TPP2: variants seen among roughly 807,000 people sequenced by gnomAD.
The protein encoded by TPP2 is tripeptidyl-peptidase 2.
Under a neutral mutation model 155.9 loss-of-function variants are expected in TPP2, and 34 were observed. That is an observed-to-expected ratio of 0.22 (90% confidence interval 0.17 to 0.29). The LOEUF (loss-of-function observed/expected upper bound fraction) is 0.29, where lower values mean the gene tolerates loss of function less well. TPP2 is among the 10% of genes least tolerant of loss of function. The pLI is 1.00. For synonymous variants in TPP2, 510 were observed against 529.4 expected (o/e 0.96, Z 0.50); for missense variants, 1,028 against 1,522.3 (o/e 0.68, Z 5.40).
chr13:102,674,529 G>GTTACCTCA lies in TPP2; in HGVS notation c.3579+40_3579+47dup, dbSNP rs1473299578. On this transcript the variant is annotated intron_variant, in intron 28 of 29. Transcript: ENST00000376052. Reference sequence around the variant, plus strand: ...TTCTTGTTTCAGCAAAGTTCTTGGGGTTACCTCACAGACCTCTCTTGTGCC... The same window carrying GTTACCTCA: ...TTCTTGTTTCAGCAAAGTTCTTGGGGTTACCTCATTACCTCACAGACCTCTCTTGTGCC... 3.1e-6 allele frequency: 5 copies of GTTACCTCA among 1,605,132 alleles called. No individual in the cohort carries two copies. In the African/African-American group the frequency reaches 6.7e-5, roughly 22 times the overall value.
intron 21 of TPP2, 114 bp downstream of exon 21, chr13:102,647,458 T>A: frequency 1.5e-6 from 2 of 1,353,524 alleles, no homozygotes; most frequent in Non-Finnish European, 2.0e-6. Context: ...AAATTATAGC[T>A]TTGTGTTTAG....
intron 15 of TPP2, among the ~76,000 whole-genome samples, chr13:102,639,525 C>G (rs747865023): frequency 1.3e-4 from 20 of 152,156 alleles, no homozygotes; most frequent in Admixed American, 7.2e-4. Flanking sequence ...CAGGAAGCTT[C>G]CCAGGCTCCG....
At chr13:102,601,016 C>G (rs968558936) in intron 1 of TPP2, among the ~76,000 whole-genome samples, 69 of 152,080 alleles carry the variant, frequency 4.5e-4, no homozygotes, top group African/African-American at 1.6e-3. Flanking sequence ...TCAGCCACTG[C>G]AGTAGCTGGG....
At chr13:102,629,238 A>C (rs1881853919) in intron 8 of TPP2, among the ~76,000 whole-genome samples, 1 of 152,174 alleles carries the variant, frequency 6.6e-6, no homozygotes, top group South Asian at 2.1e-4. Flanking sequence ...ACTACCTTGT[A>C]GTATATTTTC....
In TPP2 at chr13:102,676,627, A is replaced by G. The variant is rs191512464; in HGVS notation, c.3699+212A>G. On this transcript the variant is annotated intron_variant, in intron 29 of 29. Coordinates refer to ENST00000376052, the MANE Select transcript of TPP2 (RefSeq NM_001330588.2). ...TAAAAACACTTTTCACTGCTATCCA[A>G]AAAACTGATACTAGCCTCAAATGTT... 3.4e-4 allele frequency among the ~76,000 whole-genome samples: 52 copies of G among 152,354 alleles called. 1 individual carries two copies. Among genetic ancestry groups the G allele is most frequent in the African/African-American group, 1.2e-3 (51 of 41,578 alleles).
At chr13:102,617,450 A>AT (rs1880829307) in intron 4 of TPP2, among the ~76,000 whole-genome samples, 1 of 152,140 alleles carries the variant, frequency 6.6e-6, no homozygotes, top group African/African-American at 2.4e-5. Context: ...GATAATTCTG[A>AT]TTTACTAAGT....
Position 102,630,354 on chromosome 13 carries a change from GATAA to G in TPP2, c.1244+165_1244+168del, listed in dbSNP as rs1881938773. On this transcript the variant is annotated intron_variant, in intron 10 of 29. Transcript: ENST00000376052. ...GATTAACAGTCTCATCTCAGGGACAGATAAATAAAATAAATGAAATAGTTTCATT... is the reference window on the plus strand; with the variant it reads ...GATTAACAGTCTCATCTCAGGGACAGATAAAATAAATGAAATAGTTTCATT... 2.0e-5 allele frequency among the ~76,000 whole-genome samples: 3 copies of G among 152,196 alleles called. No homozygotes were observed. The East Asian group carries it at 5.8e-4, about 29-fold the overall frequency.
chr13:102,612,546 A>G, intron 2 of TPP2, among the ~76,000 whole-genome samples: 1 of 152,230 alleles, frequency 6.6e-6, no homozygotes, highest in East Asian at 1.9e-4. Context: ...AGAATACTCA[A>G]ATATGCAAAA....
chr13:102,677,858 T>A (rs1049624258), intron 29 of TPP2, among the ~76,000 whole-genome samples: 2 of 152,246 alleles, frequency 1.3e-5, no homozygotes, highest in African/African-American at 4.8e-5. Flanking sequence ...TGTTCAGTGC[T>A]GTTTTCCCAG....
chr13:102,623,915 TA>T (rs1881355798), intron 6 of TPP2, among the ~76,000 whole-genome samples: 1 of 152,200 alleles, frequency 6.6e-6, no homozygotes, highest in Non-Finnish European at 1.5e-5. Context: ...ACATGACTTC[TA>T]ATACCTTATA....
chr13:102,645,454 T>A (rs1883039473), intron 19 of TPP2, among the ~76,000 whole-genome samples: 1 of 152,230 alleles, frequency 6.6e-6, no homozygotes, highest in Non-Finnish European at 1.5e-5. Context: ...TTGACCTGTG[T>A]TCACATACTC....
At chr13:102,655,840 T>A (rs1173931375) in intron 24 of TPP2, among the ~76,000 whole-genome samples, 5 of 152,088 alleles carry the variant, frequency 3.3e-5, no homozygotes, top group African/African-American at 1.2e-4. Flanking sequence ...GTTGATCATT[T>A]TCTCTTTCTT....
At chr13:102,608,209 C>G (rs1243237794) in intron 2 of TPP2, among the ~76,000 whole-genome samples, 1 of 152,176 alleles carries the variant, frequency 6.6e-6, no homozygotes, top group African/African-American at 2.4e-5. Context: ...CACTTCTCCC[C>G]TACTGTTTTC....
intron 6 of TPP2, among the ~76,000 whole-genome samples, 181 bp downstream of exon 6, chr13:102,623,221 C>G (rs117402540): frequency 4.2e-4 from 64 of 152,280 alleles, no homozygotes; most frequent in Admixed American, 6.5e-4. Flanking sequence ...AAGGTCATAA[C>G]CATGTGGGAT....
At chr13:102,654,263 C>G (rs1315512960) in intron 24 of TPP2, among the ~76,000 whole-genome samples, 2 of 151,838 alleles carry the variant, frequency 1.3e-5, no homozygotes, top group South Asian at 2.1e-4. Context: ...TAAAAAATTC[C>G]CTGTCCTGAA....
chr13:102,663,147 A>T (rs372060793), intron 25 of TPP2, among the ~76,000 whole-genome samples: 1 of 111,490 alleles, frequency 9.0e-6, no homozygotes, highest in African/African-American at 3.7e-5. Flanking sequence ...TTAATTAATT[A>T]ATTAATTTAT....
chr13:102,658,882 A>G (rs1884026569), intron 25 of TPP2, among the ~76,000 whole-genome samples: 1 of 152,124 alleles, frequency 6.6e-6, no homozygotes, highest in African/African-American at 2.4e-5. Context: ...GCTCTCTTGT[A>G]AAGTACTGTT....
intron 26 of TPP2, among the ~76,000 whole-genome samples, chr13:102,664,514 C>T (rs1267092892): frequency 6.6e-6 from 1 of 151,868 alleles, no homozygotes; most frequent in Non-Finnish European, 1.5e-5. Context: ...AAAAACTTTA[C>T]ATTTTTATGA....
chr13:102,619,289 G>A (rs1880977392), intron 5 of TPP2, among the ~76,000 whole-genome samples: 2 of 152,070 alleles, frequency 1.3e-5, no homozygotes, highest in Non-Finnish European at 2.9e-5. Context: ...CATCATGTAC[G>A]TTTTTTAGTT....
Sources: allele counts gnomAD v4.1 joint callset (sites outside exome capture counted in the v4.1 genomes callset), GRCh38; gene constraint gnomAD v4.1.1; transcripts MANE v1.5; gene names NCBI Gene and HGNC (gene_info 2026-07-23, HGNC 2026-07-21).